The following GASK1A variants were observed in gnomAD, a reference collection of about 807,000 sequenced individuals.
GASK1A encodes the protein Golgi-associated kinase 1A.
A neutral mutation model predicts 41.2 loss-of-function variants in GASK1A; 40 were observed. That is an observed-to-expected ratio of 0.97 (90% CI 0.75 to 1.27). GASK1A has a LOEUF of 1.27. Among genes scored for constraint, GASK1A ranks in the 50% most tolerant of loss-of-function variants. The pLI is 0.00. For missense variants in GASK1A, 678 were observed against 745.1 expected (o/e 0.91, Z 1.05); for synonymous variants, 316 against 307.1 (o/e 1.03, Z -0.30).
At chr3:42,982,095 CG>C (rs1426936220) in intron 1 of GASK1A, among the ~76,000 whole-genome samples, 1 of 152,066 alleles carries the variant, frequency 6.6e-6, no homozygotes, top group Non-Finnish European at 1.5e-5. Context: ...GCAGTATCTG[CG>C]GGGGCATTTT....
intron 1 of GASK1A, among the ~76,000 whole-genome samples, chr3:42,993,033 G>A (rs1487245507): frequency 6.6e-6 from 1 of 152,228 alleles, no homozygotes; most frequent in Non-Finnish European, 1.5e-5. Flanking sequence ...CTCAGCCATT[G>A]TTACTGCCGC....
At chr3:43,013,228 T>TGTGGGAAGTCACAGGAAGAGGCA (rs2125680250) in intron 1 of GASK1A, among the ~76,000 whole-genome samples, 2 of 141,330 alleles carry the variant, frequency 1.4e-5, no homozygotes, top group African/African-American at 5.4e-5. Context: ...AGGGAGTGGC[T>TGTGGGAAGTCACAGGAAGAGGCA]GTGGGAAGTC....
At chr3:43,048,967 G>T (rs1054109866) in intron 2 of GASK1A, among the ~76,000 whole-genome samples, 1 of 152,132 alleles carries the variant, frequency 6.6e-6, no homozygotes, top group East Asian at 1.9e-4. Context: ...AGCAAGAAAA[G>T]AATCTACATT....
intron 2 of GASK1A, among the ~76,000 whole-genome samples, chr3:43,049,754 A>G (rs972977072): frequency 2.8e-4 from 43 of 152,306 alleles, no homozygotes; most frequent in African/African-American, 1.0e-3. Context: ...ATGCTGTCTC[A>G]TTTCTTAACA....
intron 1 of GASK1A, among the ~76,000 whole-genome samples, chr3:43,001,007 T>C (rs957579082): frequency 7.9e-5 from 12 of 152,210 alleles, no homozygotes; most frequent in Admixed American, 5.2e-4. Context: ...TGGGTGCCTG[T>C]CACAGAAAGG....
intron 2 of GASK1A, among the ~76,000 whole-genome samples, chr3:43,051,284 C>CTGCTCA (rs1322745515): frequency 2.0e-5 from 3 of 152,052 alleles, no homozygotes; most frequent in African/African-American, 7.2e-5. Context: ...ACTGAAATTT[C>CTGCTCA]TGCTCAGTTA....
At chr3:43,022,879 G>A (rs1284645079) in intron 1 of GASK1A, among the ~76,000 whole-genome samples, 7 of 152,186 alleles carry the variant, frequency 4.6e-5, no homozygotes, top group Non-Finnish European at 1.0e-4. Flanking sequence ...CATTTACATT[G>A]TGAAATATTA....
intron 1 of GASK1A, among the ~76,000 whole-genome samples, chr3:43,023,672 C>T (rs1575444731): frequency 1.3e-5 from 2 of 152,224 alleles, no homozygotes; most frequent in East Asian, 1.9e-4. Context: ...AAATTAAAAG[C>T]ATATCTAATT....
At chr3:42,992,338 C>G (rs561951478) in intron 1 of GASK1A, among the ~76,000 whole-genome samples, 30 of 152,242 alleles carry the variant, frequency 2.0e-4, no homozygotes, top group Non-Finnish European at 2.6e-4. Flanking sequence ...AACCTTTAAC[C>G]TCTTAGCCTC....
intron 1 of GASK1A, among the ~76,000 whole-genome samples, chr3:43,000,096 T>C (rs2089401247): frequency 6.6e-6 from 1 of 152,230 alleles, no homozygotes. Flanking sequence ...GATTAGGGCC[T>C]GGACGTCTTT....
chr3:43,028,012 T>C (rs2089554069), intron 1 of GASK1A, among the ~76,000 whole-genome samples: 1 of 152,236 alleles, frequency 6.6e-6, no homozygotes, highest in Non-Finnish European at 1.5e-5. Context: ...CAGGGGTTCC[T>C]GGGTCATAGG....
Position 43,038,355 on chromosome 3 carries a change from A to G in GASK1A, c.1290+4802A>G, listed in dbSNP as rs550827635. ...TTGCAAAACAAAAATACTAATAATC[A>G]GTAATAGTCCTAGAAAAGATGTTAA... On this transcript the variant is annotated intron_variant, in intron 2 of 4. Transcript: ENST00000430121. Among the ~76,000 whole-genome samples the G allele has an allele frequency of 9.8e-5, 15 of 152,344 alleles. No homozygotes were observed. The East Asian group carries it at 1.9e-3, about 20-fold the overall frequency.
chr3:43,032,429 C>T lies in GASK1A; in HGVS notation c.166C>T (p.Pro56Ser), dbSNP rs1367695330. 2 of 1,551,126 alleles carry T rather than the reference C, an allele frequency of 1.3e-6. No homozygotes were observed. The highest frequency in any genetic ancestry group is 1.2e-5 in the South Asian group (1 of 84,036). Reference protein sequence around the residue: ...PMEPQGVTGAPATHIRQALSS... With the variant: ...PMEPQGVTGASATHIRQALSS... The stretch of plus-strand genomic sequence containing the variant: ...GGAGCCTCAGGGGGTAACTGGCGCC[C>T]CTGCAACCCATATCCGGCAGGCTTT... Residue 56 changes from proline to serine, a missense_variant, in exon 2 of 5, where the codon CCT (proline) becomes TCT (serine). Transcript: ENST00000430121.
chr3:43,047,472 T>A (rs1164477452), intron 2 of GASK1A, among the ~76,000 whole-genome samples: 2 of 152,230 alleles, frequency 1.3e-5, no homozygotes, highest in East Asian at 3.9e-4. Flanking sequence ...AGCCCTGATT[T>A]GATTCACCTT....
In GASK1A at chr3:43,031,723, C is replaced by T. The variant is rs570348563; in HGVS notation, c.4-544C>T. On this transcript the variant is annotated intron_variant, in intron 1 of 4. Transcript: ENST00000430121. ...CTTCCTTTTAAGCATGTGGGGCTGG[C>T]AAAAGTGGTTGGCTCTCATGACATA... Among the ~76,000 whole-genome samples the T allele has an allele frequency of 3.9e-5, 6 of 152,256 alleles. No individual in the cohort carries two copies. The South Asian group carries it at 1.0e-3, about 26-fold the overall frequency.
Position 42,979,609 on chromosome 3 carries a change from G to A in GASK1A, c.-34G>A, listed in dbSNP as rs1197726678. The A allele has an allele frequency of 1.6e-6, 2 of 1,241,774 alleles. No homozygotes were observed. Among genetic ancestry groups the A allele is most frequent in the Non-Finnish European group, 2.0e-6 (2 of 987,662 alleles). 76.9% of individuals were successfully genotyped at this position (1,241,774 alleles called of 1,614,324 possible). ...GGATGAGTCTGCGAGCCGGCTGAGC[G>A]CGCCGAGGAGCCGGCCGGGGCACCG... On this transcript the variant is annotated 5_prime_UTR_variant, in exon 1 of 5. Transcript: ENST00000430121.
intron 1 of GASK1A, among the ~76,000 whole-genome samples, chr3:43,031,082 T>C (rs2089573605): frequency 6.6e-6 from 1 of 152,224 alleles, no homozygotes; most frequent in Non-Finnish European, 1.5e-5. Context: ...ACACTGCATA[T>C]AGTATCAAAA....
intron 2 of GASK1A, among the ~76,000 whole-genome samples, chr3:43,052,119 A>G (rs1360029793): frequency 1.3e-5 from 2 of 151,812 alleles, no homozygotes; most frequent in African/African-American, 4.9e-5. Flanking sequence ...AAAACGACTA[A>G]AACCCCTAGT....
At chr3:43,004,076 A>C (rs931556478) in intron 1 of GASK1A, among the ~76,000 whole-genome samples, 1 of 152,012 alleles carries the variant, frequency 6.6e-6, no homozygotes, top group Non-Finnish European at 1.5e-5. Flanking sequence ...TCTAACTGTT[A>C]TTTTCCTGCC....
Sources: gnomAD v4.1 joint callset for allele counts (sites outside exome capture counted in the v4.1 genomes callset) on GRCh38, gnomAD v4.1.1 for gene constraint, MANE v1.5 for transcripts, NCBI Gene and HGNC (gene_info 2026-07-23, HGNC 2026-07-21) for gene names.